The following CFAP43 variants were observed in gnomAD, a reference collection of about 807,000 sequenced individuals.
CFAP43 encodes the protein cilia- and flagella-associated protein 43.
A neutral mutation model predicts 218.9 loss-of-function variants in CFAP43; 155 were observed. The observed-to-expected ratio is 0.71, with a 90% CI of 0.62 to 0.81. The LOEUF (loss-of-function observed/expected upper bound fraction) is 0.81. Ranked by LOEUF, CFAP43 falls within the 30% of genes least tolerant of loss-of-function variation. CFAP43 has a pLI of 0.00. For synonymous variants in CFAP43, 645 were observed against 681.3 expected, an observed-to-expected ratio of 0.95 and a Z score of 0.83; for missense variants, 1,778 against 1,954.3, an observed-to-expected ratio of 0.91 and a Z score of 1.70.
intron 37 of CFAP43, 110 bp downstream of exon 37, chr10:104,131,221 T>A (rs1313181462): frequency 7.7e-7 from 1 of 1,295,426 alleles, no homozygotes; most frequent in Admixed American, 2.6e-5. Flanking sequence ...TTTTAAACAA[T>A]GTATTTTTAA....
At chr10:104,196,957 C>G (rs2134928771) in intron 9 of CFAP43, 24 bp from the exon 10 acceptor site, 1 of 1,586,582 alleles carries the variant, frequency 6.3e-7, no homozygotes, top group South Asian at 1.1e-5. Flanking sequence ...AAAACAAAAA[C>G]TCTACATGGA....
In CFAP43 at chr10:104,232,336, C is replaced by A. The variant is rs1006570154; in HGVS notation, c.-90G>T. On this transcript the variant is annotated 5_prime_UTR_variant, in exon 1 of 38. Transcript: ENST00000357060. The stretch of plus-strand genomic sequence containing the variant: ...TTTCCGCCGCCGCGGGGCTGCGGGC[C>A]GCGACGCCGCTGCTGTGTACACCCG... 1.5e-5 allele frequency: 20 copies of A among 1,306,880 alleles called. No individual in the cohort carries two copies. The highest frequency in any genetic ancestry group is 3.0e-5 in the South Asian group (2 of 66,628). 81.0% of individuals were successfully genotyped at this position (1,306,880 alleles called of 1,614,324 possible). A position where few individuals can be genotyped will look rare whatever the true frequency, so the allele number is the denominator to read the frequency against.
At position 104,145,410 on chromosome 10, in the gene CFAP43, C is replaced by G. The variant is rs1331283436; in HGVS notation, c.3944+66G>C. 9 of 1,039,856 alleles carry G rather than the reference C, an allele frequency of 8.7e-6. No homozygotes were observed. In the East Asian group the frequency reaches 1.5e-4, roughly 18 times the overall value. The allele number at this position is 1,039,856 out of a possible 1,614,324, so 64.4% of individuals were successfully genotyped here. A position where few individuals can be genotyped will look rare whatever the true frequency, so the allele number is the denominator to read the frequency against. On this transcript the variant is annotated intron_variant, in intron 31 of 37. Transcript: ENST00000357060. ...TTAATTGGGAGAAAAAAGCTGAAAT[C>G]TAGTAACACTCCTCTTTATTTGCAA...
chr10:104,180,444 T>C (rs1054136147), intron 17 of CFAP43, among the ~76,000 whole-genome samples: 3 of 136,352 alleles, frequency 2.2e-5, no homozygotes, highest in African/African-American at 8.9e-5. Context: ...CCACCCTATT[T>C]CTTTTTTTTT....
At chr10:104,218,897 A>G (rs548403543) in intron 3 of CFAP43, 12 of 492,612 alleles carry the variant, frequency 2.4e-5, no homozygotes, top group African/African-American at 1.8e-4. Flanking sequence ...TGACAGCGGG[A>G]GACTGGACGC....
Position 104,130,158 on chromosome 10 carries a change from G to A in CFAP43, c.4979C>T (p.Pro1660Leu), listed in dbSNP as rs1432897993. 1 of 1,599,576 alleles carries A rather than the reference G, an allele frequency of 6.3e-7. No individual in the cohort carries two copies. The highest frequency in any genetic ancestry group is 1.8e-5 in the Admixed American group (1 of 56,784). The change falls in exon 38 of 38, where the codon CCT becomes CTT. Residue 1660 changes from proline (P) to leucine (L), a missense_variant. By Grantham distance (98) the Pro-to-Leu change is moderately conservative (BLOSUM62 -3). This residue lies in a region of CFAP43 where 211 missense variants were observed against 230.6 expected (regional missense o/e 0.91). Coordinates refer to ENST00000357060, the MANE Select transcript of CFAP43 (RefSeq NM_025145.7). ...EVERLRMKTF[P>L]ALVQM Reference sequence around the variant, plus strand: ...GCGTTTTTACATTTGAACAAGAGCAGGAAATGTTTTCATTCTTAATCTTTC... The same window carrying A: ...GCGTTTTTACATTTGAACAAGAGCAAGAAATGTTTTCATTCTTAATCTTTC...
chr10:104,209,773 C>T lies in CFAP43; in HGVS notation c.736-1949G>A, dbSNP rs182766759. On this transcript the variant is annotated intron_variant, in intron 5 of 37. Transcript: ENST00000357060. ...AACCTTGATGGCTGATCTCTTTGTT[C>T]TTCCTTTGCTGCCCCACTGTGGCTG... is the stretch of plus-strand genomic sequence containing the variant. Among the ~76,000 whole-genome samples the T allele has an allele frequency of 3.3e-5, 5 of 152,210 alleles. No homozygotes were observed. The East Asian group carries it at 9.7e-4, about 29-fold the overall frequency.
chr10:104,178,099 A>G (rs142379103), intron 19 of CFAP43, among the ~76,000 whole-genome samples: 82 of 152,328 alleles, frequency 5.4e-4, no homozygotes, highest in Non-Finnish European at 1.1e-3. Flanking sequence ...CTACTGAAGA[A>G]TACACACCAA....
Position 104,145,445 on chromosome 10 carries a change from T to C in CFAP43, c.3944+31A>G, listed in dbSNP as rs748963459. ...TCCTCTTTATTTGCAAACTTTTTTC[T>C]CAGAAACACAATAGTGAAGGAGAAA... On this transcript the variant is annotated intron_variant, in intron 31 of 37. Transcript: ENST00000357060. 36 of 1,505,434 alleles carry C rather than the reference T, an allele frequency of 2.4e-5. 1 individual carries two copies. In the South Asian group the frequency reaches 4.3e-4, roughly 18 times the overall value. 93.3% of individuals were successfully genotyped at this position (1,505,434 alleles called of 1,614,324 possible). A position where few individuals can be genotyped will look rare whatever the true frequency, so the allele number is the denominator to read the frequency against.
At chr10:104,141,102 T>C in intron 33 of CFAP43, 101 bp from the exon 34 acceptor site, 1 of 1,187,882 alleles carries the variant, frequency 8.4e-7, no homozygotes, top group Non-Finnish European at 1.2e-6. Context: ...GAAAACATGC[T>C]GGAGATTAGT....
At chr10:104,193,648 A>T (rs1329049664) in intron 11 of CFAP43, 1 of 509,586 alleles carries the variant, frequency 2.0e-6, no homozygotes, top group Non-Finnish European at 3.4e-6. Flanking sequence ...GAGACATGAG[A>T]AATTGGTACC....
At chr10:104,210,204 A>T (rs1282885399) in intron 5 of CFAP43, among the ~76,000 whole-genome samples, 1 of 152,246 alleles carries the variant, frequency 6.6e-6, no homozygotes, top group Non-Finnish European at 1.5e-5. Flanking sequence ...CAGAAGTGGA[A>T]CCCACGAATG....
chr10:104,205,212 C>CAAAAAAAAAAAAAAAAAAAAAAAAAAA (rs71022723), intron 7 of CFAP43, among the ~76,000 whole-genome samples: 4 of 56,572 alleles, frequency 7.1e-5, no homozygotes, highest in African/African-American at 1.4e-4. Flanking sequence ...GACTCCGTCT[C>CAAAAAAAAAAAAAAAAAAAAAAAAAAA]AAAAAAAAAA....
At chr10:104,139,702 C>G (rs1256815079) in intron 34 of CFAP43, among the ~76,000 whole-genome samples, 1 of 152,078 alleles carries the variant, frequency 6.6e-6, no homozygotes, top group Non-Finnish European at 1.5e-5. Flanking sequence ...GAATTCATTA[C>G]TAGCAGGCTT....
chr10:104,184,983 T>C (rs1166660274), intron 16 of CFAP43, 33 bp downstream of exon 16: 3 of 1,610,800 alleles, frequency 1.9e-6, no homozygotes, highest in African/African-American at 2.7e-5. Flanking sequence ...CACACTATAC[T>C]ACATGGGGTT....
Position 104,130,080 on chromosome 10 carries a change from C to T in CFAP43, c.*59G>A. On this transcript the variant is annotated 3_prime_UTR_variant, in exon 38 of 38. Transcript: ENST00000357060. ...TAAGAAAGAAAAGGAAATCATTTTA[C>T]CCAAATGAAATGATTTTTTAAATGA... 1.3e-6 allele frequency: 2 copies of T among 1,500,890 alleles called. No individual in the cohort carries two copies. Among genetic ancestry groups the T allele is most frequent in the South Asian group, 1.4e-5 (1 of 73,898 alleles). The allele number at this position is 1,500,890 out of a possible 1,614,324, so 93.0% of individuals were successfully genotyped here.
intron 27 of CFAP43, among the ~76,000 whole-genome samples, chr10:104,158,635 A>C (rs2088704974): frequency 1.3e-5 from 2 of 152,220 alleles, no homozygotes; most frequent in Non-Finnish European, 2.9e-5. Flanking sequence ...TTTTTTGATA[A>C]ACACCAATAA....
rs116727356 is a variant in CFAP43 at position 104,197,221 on chromosome 10, A to G, written c.1213-288T>C. ...TAAAAGTTGCTTATAAAAATCAGTA[A>G]AACTATTGCCTAATGAACAAATGTA... On this transcript the variant is annotated intron_variant, in intron 9 of 37. Coordinates refer to ENST00000357060, the MANE Select transcript of CFAP43 (RefSeq NM_025145.7). 9.3e-3 allele frequency among the ~76,000 whole-genome samples: 1,420 copies of G among 152,320 alleles called. 26 individuals are homozygous for G. The highest frequency in any genetic ancestry group is 0.033 in the African/African-American group (1,373 of 41,568).
chr10:104,152,489 G>T, intron 28 of CFAP43, 118 bp downstream of exon 28: 1 of 1,398,116 alleles, frequency 7.2e-7, no homozygotes. Flanking sequence ...GGAGAGGGAC[G>T]CAGGGCCCAG....
Sources: gnomAD v4.1 joint callset for allele counts (sites outside exome capture counted in the v4.1 genomes callset) on GRCh38, gnomAD v4.1.1 for gene constraint, gnomAD v4.1.1 regional missense constraint, MANE v1.5 for transcripts, NCBI Gene and HGNC (gene_info 2026-07-23, HGNC 2026-07-21) for gene names.